The following PRR5 variants were observed in gnomAD, a reference collection of about 807,000 sequenced individuals.
The protein encoded by PRR5 is proline-rich protein 5.
In PRR5, 25 loss-of-function variants were observed where a neutral mutation model predicts 30.6. The observed-to-expected ratio is 0.82, with a 90% CI of 0.60 to 1.14. The LOEUF (loss-of-function observed/expected upper bound fraction) is 1.14, where lower values mean the gene tolerates loss of function less well. Among genes scored for constraint, PRR5 ranks in the 50% most tolerant of loss-of-function variants. PRR5 has a pLI of 0.00. For missense variants in PRR5, 600 were observed against 547.1 expected (o/e 1.10, Z -0.96); for synonymous variants, 286 against 247.1 (o/e 1.16, Z -1.48).
chr22:44,705,783 C>T (rs1927098735), intron 1 of PRR5, among the ~76,000 whole-genome samples: 1 of 151,820 alleles, frequency 6.6e-6, no homozygotes, highest in South Asian at 2.1e-4. Context: ...CACCACCATG[C>T]CCAGCTAATT....
intron 4 of PRR5, chr22:44,730,199 AAGGTCCCTGTTC>A: frequency 1.0e-6 from 1 of 985,386 alleles, no homozygotes; most frequent in Non-Finnish European, 1.2e-6. Flanking sequence ...GAAAAAGGCA[AAGGTCCCTGTTC>A]AGCCTCCGCA....
At chr22:44,735,972 C>T (rs1047660719) in intron 7 of PRR5, among the ~76,000 whole-genome samples, 15 of 152,302 alleles carry the variant, frequency 9.8e-5, no homozygotes, top group African/African-American at 2.9e-4. Flanking sequence ...TGATGGGACC[C>T]GCATCCTCTG....
chr22:44,728,180 T>C (rs2147145748), intron 4 of PRR5, among the ~76,000 whole-genome samples: 1 of 152,334 alleles, frequency 6.6e-6, no homozygotes, highest in African/African-American at 2.4e-5. Flanking sequence ...CCCAGCATCC[T>C]CTTCTGCCTC....
intron 1 of PRR5, among the ~76,000 whole-genome samples, chr22:44,687,878 G>A (rs939521042): frequency 2.6e-5 from 4 of 151,968 alleles, no homozygotes; most frequent in Non-Finnish European, 5.9e-5. Flanking sequence ...GGGTTCAAGC[G>A]ATTCTCCTGT....
intron 2 of PRR5, among the ~76,000 whole-genome samples, chr22:44,721,918 A>C (rs931962376): frequency 4.6e-5 from 7 of 152,194 alleles, no homozygotes; most frequent in African/African-American, 1.7e-4. Context: ...GGCATCACTG[A>C]AAGTGGCCCT....
chr22:44,675,670 G>C (rs76615048), upstream of PRR5, among the ~76,000 whole-genome samples: 3,383 of 152,126 alleles, frequency 0.022, 115 homozygotes, highest in African/African-American at 0.075. Flanking sequence ...ACATCCTAGG[G>C]GTTCTGGGAG....
intron 4 of PRR5, chr22:44,730,135 G>A (rs1436813759): frequency 3.0e-6 from 3 of 985,028 alleles, no homozygotes; most frequent in Admixed American, 1.2e-4. Flanking sequence ...TAGTGCCCTC[G>A]AACCTACATG....
intron 2 of PRR5, among the ~76,000 whole-genome samples, chr22:44,721,551 G>A (rs181625912): frequency 1.3e-4 from 20 of 152,310 alleles, no homozygotes; most frequent in Admixed American, 4.6e-4. Context: ...TTCATCTGCC[G>A]TGTAGAAAAG....
intron 1 of PRR5, among the ~76,000 whole-genome samples, chr22:44,683,054 G>A (rs1924435911): frequency 6.6e-6 from 1 of 152,234 alleles, no homozygotes; most frequent in African/African-American, 2.4e-5. Context: ...CATGAACTGA[G>A]CCTGACTTCC....
intron 2 of PRR5, among the ~76,000 whole-genome samples, chr22:44,723,384 A>G (rs1007405146): frequency 2.6e-5 from 4 of 152,210 alleles, no homozygotes; most frequent in African/African-American, 9.7e-5. Flanking sequence ...CAGAGAAATG[A>G]AAAAGATTGT....
rs1262722540 is a variant in PRR5, at chr22:44,691,317, C to T, written c.-10-11175C>T. Among the ~76,000 whole-genome samples, 2 of 152,154 alleles carry T rather than the reference C, an allele frequency of 1.3e-5. No homozygotes were observed. Among genetic ancestry groups the T allele is most frequent in the South Asian group, 2.1e-4 (1 of 4,822 alleles). On this transcript the variant is annotated intron_variant, in intron 1 of 8. Transcript: ENST00000006251. This position sits in a 1 kb window ranked among gnomAD's most constrained non-coding sequence, Gnocchi z 4.4. The stretch of plus-strand genomic sequence containing the variant: ...TGCAGGTGACGTCAGGACTCAGAAC[C>T]TCCATGTCCACCTCGGTGGCACGGA...
chr22:44,719,867 A>G (rs1267792111), intron 2 of PRR5, among the ~76,000 whole-genome samples: 1 of 152,192 alleles, frequency 6.6e-6, no homozygotes, highest in Admixed American at 6.5e-5. Flanking sequence ...GCTCCCAGGA[A>G]GCAGCAAACC....
intron 2 of PRR5, among the ~76,000 whole-genome samples, chr22:44,717,352 T>C (rs1256655395): frequency 1.3e-5 from 2 of 151,658 alleles, no homozygotes; most frequent in African/African-American, 4.8e-5. Context: ...TCACCACGCC[T>C]GGCTAATTTT....
At chr22:44,679,748 C>G (rs1300415406) in intron 1 of PRR5, 3 of 1,460,174 alleles carry the variant, frequency 2.1e-6, no homozygotes, top group Non-Finnish European at 1.9e-6. Context: ...TCAGCCTCCC[C>G]GCTCTGGGAC....
chr22:44,707,189 C>G (rs1391671949), intron 1 of PRR5, among the ~76,000 whole-genome samples: 3 of 152,240 alleles, frequency 2.0e-5, no homozygotes, highest in Non-Finnish European at 4.4e-5. Context: ...GGTCTGGCCC[C>G]TGTGCCCCTA....
intron 4 of PRR5, 63 bp from the exon 5 acceptor site, chr22:44,731,667 G>T: frequency 1.3e-6 from 2 of 1,539,080 alleles, no homozygotes; most frequent in East Asian, 2.2e-5. Flanking sequence ...GACCCATCCT[G>T]GGTGAGTGGA....
upstream of PRR5, among the ~76,000 whole-genome samples, chr22:44,676,092 C>T: frequency 6.6e-6 from 1 of 151,660 alleles, no homozygotes; most frequent in South Asian, 2.1e-4. Context: ...AAATCAAAAA[C>T]AAAAAAGAAG....
intron 3 of PRR5, among the ~76,000 whole-genome samples, chr22:44,725,980 A>G (rs1371488365): frequency 6.6e-6 from 1 of 152,202 alleles, no homozygotes; most frequent in Admixed American, 6.5e-5. Flanking sequence ...TGTACATTTC[A>G]TATTGGTGGC....
upstream of PRR5, among the ~76,000 whole-genome samples, chr22:44,697,679 C>G (rs1242654745): frequency 6.6e-6 from 1 of 152,224 alleles, no homozygotes; most frequent in African/African-American, 2.4e-5. Context: ...GGCCGTGCCC[C>G]GGGGAGAGTG....
Sources: gnomAD v4.1 joint callset for allele counts (sites outside exome capture counted in the v4.1 genomes callset) on GRCh38, gnomAD v4.1.1 for gene constraint, Gnocchi (gnomAD v3.1) non-coding constraint, MANE v1.5 for transcripts, NCBI Gene and HGNC (gene_info 2026-07-23, HGNC 2026-07-21) for gene names.